The following BLTP1 variants were observed in gnomAD, a reference collection of about 807,000 sequenced individuals.
BLTP1 encodes bridge-like lipid transfer protein family member 1.
chr4:122,330,916 T>G, the BLTP1 span: 1 of 809,560 alleles, frequency 1.2e-6, no homozygotes, highest in Non-Finnish European at 1.5e-6. Context: ...TTTTTTTTGA[T>G]GTGGATATCC....
At chr4:122,197,582 G>T in the BLTP1 span, 1 of 383,576 alleles carries the variant, frequency 2.6e-6, no homozygotes, top group Non-Finnish European at 3.6e-6. Flanking sequence ...TTGAGAGCAG[G>T]TGCTGTTTTT....
the BLTP1 span, among the ~76,000 whole-genome samples, chr4:122,280,724 C>A: frequency 1.3e-5 from 2 of 150,290 alleles, no homozygotes; most frequent in East Asian, 3.9e-4. Flanking sequence ...CGTTTTATTT[C>A]CCACATCCTA....
chr4:122,198,337 G>T, the BLTP1 span: 1 of 985,248 alleles, frequency 1.0e-6, no homozygotes. Context: ...TACGCAGTTC[G>T]AAAGAAGCAT....
At chr4:122,170,276 G>T in the BLTP1 span, 2 of 835,458 alleles carry the variant, frequency 2.4e-6, no homozygotes, top group African/African-American at 4.2e-5. Context: ...TTGCACTCCA[G>T]CCTGGGCAAC....
chr4:122,271,787 GA>G, the BLTP1 span: 2 of 1,078,996 alleles, frequency 1.9e-6, no homozygotes, highest in Non-Finnish European at 2.6e-6. Flanking sequence ...CAAAGAAGCA[GA>G]AGACTGTTCA....
the BLTP1 span, among the ~76,000 whole-genome samples, chr4:122,335,192 G>A: frequency 6.6e-6 from 1 of 152,146 alleles, no homozygotes; most frequent in East Asian, 1.9e-4. Context: ...GTGTTCTCAT[G>A]ATATGGCAGT....
At chr4:122,261,318 C>G in the BLTP1 span, 2 of 984,940 alleles carry the variant, frequency 2.0e-6, no homozygotes, top group Non-Finnish European at 2.4e-6. Context: ...AGGTGTTTTC[C>G]TGTTAAAGCT....
chr4:122,263,598 C>A, the BLTP1 span: 1 of 1,591,192 alleles, frequency 6.3e-7, no homozygotes, highest in East Asian at 2.2e-5. Context: ...AGTCTTCCCA[C>A]AGGTATTGAG....
At chr4:122,153,014 C>G in the BLTP1 span, 1 of 985,436 alleles carries the variant, frequency 1.0e-6, no homozygotes, top group Non-Finnish European at 1.2e-6. Context: ...CCCCCGCTTT[C>G]TTCTCTGGGA....
chr4:122,254,766 T>G, the BLTP1 span: 1 of 1,457,544 alleles, frequency 6.9e-7, no homozygotes. Flanking sequence ...ATACAAATTT[T>G]GACACTTGTT....
At chr4:122,224,773 T>C in the BLTP1 span, 4 of 1,599,960 alleles carry the variant, frequency 2.5e-6, no homozygotes, top group Non-Finnish European at 2.6e-6. Flanking sequence ...TGAATGTTCA[T>C]TGCATTTCCA....
chr4:122,287,654 T>C, the BLTP1 span: 1 of 984,668 alleles, frequency 1.0e-6, no homozygotes, highest in Non-Finnish European at 1.2e-6. Flanking sequence ...AAGAATGCTC[T>C]TTGGGTTCTC....
the BLTP1 span, chr4:122,197,172 G>A: frequency 2.8e-5 from 26 of 931,792 alleles, no homozygotes; most frequent in Non-Finnish European, 3.9e-5. Context: ...TGTTTTATAT[G>A]AATTAATTTT....
At chr4:122,337,670 T>C in the BLTP1 span, among the ~76,000 whole-genome samples, 1 of 151,878 alleles carries the variant, frequency 6.6e-6, no homozygotes, top group African/African-American at 2.4e-5. Flanking sequence ...CTTAATTTCT[T>C]GCCATTATAG....
chr4:122,289,922 C>A, the BLTP1 span: 1 of 350,586 alleles, frequency 2.9e-6, no homozygotes, highest in Non-Finnish European at 4.0e-6. Context: ...GGAAAAACTA[C>A]TGTAGTCTAA....
At chr4:122,254,055 T>C in the BLTP1 span, 1 of 715,348 alleles carries the variant, frequency 1.4e-6, no homozygotes, top group Non-Finnish European at 2.2e-6. Flanking sequence ...GGCAAAAATA[T>C]CCTTCAAACC....
At chr4:122,316,408 G>T in the BLTP1 span, 1 of 476,976 alleles carries the variant, frequency 2.1e-6, no homozygotes, top group Non-Finnish European at 4.3e-6. Context: ...GCAGCGACTT[G>T]TAAATCACCT....
At chr4:122,350,125 G>A in the BLTP1 span, 4 of 1,555,706 alleles carry the variant, frequency 2.6e-6, no homozygotes, top group Admixed American at 4.0e-5. Context: ...CACTAAATAT[G>A]TTACATTTTT....
chr4:122,157,530 G>A, the BLTP1 span, among the ~76,000 whole-genome samples: 1 of 152,116 alleles, frequency 6.6e-6, no homozygotes, highest in African/African-American at 2.4e-5. Context: ...TTCATAATTG[G>A]GTTTGTGCTC....
Sources: allele counts gnomAD v4.1 joint callset (sites outside exome capture counted in the v4.1 genomes callset), GRCh38; gene constraint gnomAD v4.1.1; transcripts MANE v1.5; gene names NCBI Gene and HGNC (gene_info 2026-07-23, HGNC 2026-07-21).